Variants in PDE1C observed in about 807,000 individuals in gnomAD.
PDE1C encodes the protein phosphodiesterase 1C.
PDE1C carries 62 observed loss-of-function variants against 93.1 expected under a neutral mutation model. That is an observed-to-expected ratio of 0.67 (90% CI 0.54 to 0.82). The LOEUF (loss-of-function observed/expected upper bound fraction) is 0.82. Among genes scored for constraint, PDE1C ranks in the 40% least tolerant of loss-of-function variants. PDE1C has a pLI of 0.00. For synonymous variants in PDE1C, 325 were observed against 310.1 expected (o/e 1.05, Z -0.50); for missense variants, 742 against 884.6 (o/e 0.84, Z 2.04).
chr7:31,661,755 G>T, the PDE1C span, among the ~76,000 whole-genome samples: 1 of 152,050 alleles, frequency 6.6e-6, no homozygotes, highest in Non-Finnish European at 1.5e-5. Flanking sequence ...TGTTGTTTCT[G>T]TTCATTCTTC....
intron 1 of PDE1C, among the ~76,000 whole-genome samples, chr7:32,249,618 T>C (rs557016795): frequency 4.5e-4 from 69 of 152,354 alleles, no homozygotes; most frequent in African/African-American, 1.6e-3. Flanking sequence ...ACTATTTTTG[T>C]CAATTCTTCT....
At chr7:32,113,719 A>G (rs1225223864) in intron 3 of PDE1C, among the ~76,000 whole-genome samples, 1 of 152,032 alleles carries the variant, frequency 6.6e-6, no homozygotes. Context: ...CAGATGGTAT[A>G]TTTTCTGAGA....
chr7:32,331,976 G>A (rs561144697), intron 1 of PDE1C, among the ~76,000 whole-genome samples: 11 of 151,998 alleles, frequency 7.2e-5, no homozygotes, highest in Admixed American at 1.3e-4. Flanking sequence ...AAGGAAGTGA[G>A]GTTTTACTAT....
At chr7:32,341,465 G>A (rs1433805747) in intron 1 of PDE1C, among the ~76,000 whole-genome samples, 1 of 152,058 alleles carries the variant, frequency 6.6e-6, no homozygotes, top group African/African-American at 2.4e-5. Context: ...GTGAGCCACC[G>A]CGCCCGGCCT....
At chr7:31,621,577 G>C in the PDE1C span, among the ~76,000 whole-genome samples, 1 of 147,318 alleles carries the variant, frequency 6.8e-6, no homozygotes, top group Admixed American at 6.8e-5. Context: ...GTCACCACCA[G>C]GCCTGCCCTA....
intron 3 of PDE1C, among the ~76,000 whole-genome samples, chr7:32,115,939 C>T (rs1798962813): frequency 6.6e-6 from 1 of 152,102 alleles, no homozygotes; most frequent in Admixed American, 6.6e-5. Context: ...CAAAGTTGTG[C>T]ATGACTAAGA....
the PDE1C span, among the ~76,000 whole-genome samples, chr7:31,672,045 A>G: frequency 2.6e-5 from 4 of 152,212 alleles, no homozygotes; most frequent in South Asian, 8.3e-4. Flanking sequence ...GAAAAGTATT[A>G]TTTTTCTTTC....
intron 3 of PDE1C, among the ~76,000 whole-genome samples, chr7:32,112,624 T>C (rs1367975911): frequency 1.3e-4 from 2 of 15,884 alleles, no homozygotes; most frequent in African/African-American, 6.1e-4. Flanking sequence ...ATCTAGCTGC[T>C]TTTTTTTTTT....
chr7:31,695,932 C>T, the PDE1C span: 17 of 187,752 alleles, frequency 9.1e-5, no homozygotes, highest in African/African-American at 3.8e-4. Flanking sequence ...ATCATAAACA[C>T]ATGGTGAGCA....
intron 1 of PDE1C, among the ~76,000 whole-genome samples, chr7:32,362,407 CCTGT>C (rs1784153577): frequency 6.6e-6 from 1 of 152,088 alleles, no homozygotes; most frequent in South Asian, 2.1e-4. Context: ...ACATCTCAGC[CCTGT>C]CTCTCTCAGT....
chr7:32,376,648 C>T (rs1784436882), intron 1 of PDE1C, among the ~76,000 whole-genome samples: 2 of 152,176 alleles, frequency 1.3e-5, no homozygotes, highest in Admixed American at 1.3e-4. Context: ...GCTCCAGCTT[C>T]CTAAGAACAT....
At chr7:32,370,786 T>TAATA (rs66899931) in intron 1 of PDE1C, among the ~76,000 whole-genome samples, 8,089 of 149,774 alleles carry the variant, frequency 0.054, 241 homozygotes, top group South Asian at 0.069. Context: ...TAAAGTATAA[T>TAATA]AATAAATAAA....
chr7:31,992,358 C>T (rs1376203650), intron 2 of PDE1C, among the ~76,000 whole-genome samples: 1 of 152,232 alleles, frequency 6.6e-6, no homozygotes, highest in African/African-American at 2.4e-5. Context: ...GCACCAGTAC[C>T]TGGTGTTTCC....
chr7:31,676,951 TCCAGTAAC>T, the PDE1C span, among the ~76,000 whole-genome samples: 2 of 152,222 alleles, frequency 1.3e-5, no homozygotes, highest in Non-Finnish European at 2.9e-5. Flanking sequence ...CAGCATTCCA[TCCAGTAAC>T]CACACTCTGC....
At chr7:31,795,531 T>C in intron 16 of PDE1C, among the ~76,000 whole-genome samples, 1 of 151,846 alleles carries the variant, frequency 6.6e-6, no homozygotes, top group East Asian at 1.9e-4. Flanking sequence ...TTCCACAAAG[T>C]ATCTAGAAGA....
At chr7:31,781,761 G>C (rs969759107) in intron 16 of PDE1C, among the ~76,000 whole-genome samples, 8 of 146,158 alleles carry the variant, frequency 5.5e-5, no homozygotes, top group Admixed American at 2.9e-4. Context: ...TGCATATTCA[G>C]AGTATTTAAT....
chr7:32,123,516 T>C (rs1000093297), intron 3 of PDE1C, among the ~76,000 whole-genome samples: 7 of 152,150 alleles, frequency 4.6e-5, no homozygotes, highest in Non-Finnish European at 8.8e-5. Flanking sequence ...CATGATCAAG[T>C]TGGCTTCATC....
At chr7:31,855,823 T>C (rs1051153818) in intron 7 of PDE1C, among the ~76,000 whole-genome samples, 1 of 141,334 alleles carries the variant, frequency 7.1e-6, no homozygotes, top group African/African-American at 2.6e-5. Context: ...AAAGGGAAAA[T>C]TACTGGCACC....
At chr7:32,060,175 CTACTT>C (rs1794637201) in intron 1 of PDE1C, among the ~76,000 whole-genome samples, 1 of 152,178 alleles carries the variant, frequency 6.6e-6, no homozygotes, top group Non-Finnish European at 1.5e-5. Context: ...TTTCAATTCT[CTACTT>C]TGTTTTTCCC....
Sources: gnomAD v4.1 joint callset for allele counts (sites outside exome capture counted in the v4.1 genomes callset) on GRCh38, gnomAD v4.1.1 for gene constraint, MANE v1.5 for transcripts, NCBI Gene and HGNC (gene_info 2026-07-23, HGNC 2026-07-21) for gene names.